Variants in WDFY4 observed in about 807,000 individuals in gnomAD.
The protein encoded by WDFY4 is WDFY family member 4.
In WDFY4, 169 loss-of-function variants were observed where a neutral mutation model predicts 351.9. That is an observed-to-expected ratio of 0.48 (90% CI 0.42 to 0.55). The LOEUF (loss-of-function observed/expected upper bound fraction) is 0.55, where lower values mean the gene tolerates loss of function less well. Ranked by LOEUF, WDFY4 falls within the 20% of genes least tolerant of loss-of-function variation. WDFY4 has a pLI of 0.00. For missense variants in WDFY4, 3,803 were observed against 3,935.6 expected (o/e 0.97, Z 0.90); for synonymous variants, 1,622 against 1,574.6 (o/e 1.03, Z -0.71).
rs66514829 is a variant in WDFY4 at position 48,795,534 on chromosome 10, TACACAC to T, written c.4258-760_4258-755del. ...ATATATATATATATACATATATATA[TACACAC>T]ACATGAATAGTCTGGAAAGATATTG... On this transcript the variant is annotated intron_variant, in intron 23 of 61. Transcript: ENST00000325239. 5.7e-3 allele frequency among the ~76,000 whole-genome samples: 388 copies of T among 67,586 alleles called. 2 individuals are homozygous for T. The highest frequency in any genetic ancestry group is 0.029 in the Middle Eastern group (3 of 102). 44.3% of individuals were successfully genotyped at this position (67,586 alleles called of 152,430 possible).
intron 47 of WDFY4, chr10:48,909,386 A>G (rs1419018173): frequency 6.6e-6 from 1 of 151,640 alleles, no homozygotes; most frequent in Non-Finnish European, 1.5e-5. Context: ...AGTATTTTTT[A>G]GCATATTTTT....
chr10:48,939,426 CG>C (rs373131322), intron 47 of WDFY4, among the ~76,000 whole-genome samples: 1 of 152,172 alleles, frequency 6.6e-6, no homozygotes, highest in Non-Finnish European at 1.5e-5. Context: ...CTGTCTTGCT[CG>C]GGGCCCCCCA....
chr10:48,978,029 C>A (rs531659379), intron 59 of WDFY4, among the ~76,000 whole-genome samples: 20 of 152,250 alleles, frequency 1.3e-4, no homozygotes, highest in Middle Eastern at 3.4e-3. Context: ...GAGTCACATC[C>A]CTGCAAGAAA....
At chr10:48,807,816 T>C in intron 27 of WDFY4, 43 bp from the exon 28 acceptor site, 1 of 1,538,848 alleles carries the variant, frequency 6.5e-7, no homozygotes, top group Non-Finnish European at 8.8e-7. Flanking sequence ...ATATTATGTC[T>C]CTTTACATCC....
chr10:48,936,651 C>T (rs568646184), intron 47 of WDFY4, among the ~76,000 whole-genome samples: 1 of 151,926 alleles, frequency 6.6e-6, no homozygotes, highest in African/African-American at 2.4e-5. Flanking sequence ...TCCCGGCTAA[C>T]ACAGTGAAAC....
chr10:48,822,304 C>T, intron 34 of WDFY4, 76 bp from the exon 35 acceptor site: 2 of 1,441,904 alleles, frequency 1.4e-6, no homozygotes, highest in Non-Finnish European at 1.8e-6. Context: ...CAGTTGGTCA[C>T]TACAGGGGGC....
intron 51 of WDFY4, among the ~76,000 whole-genome samples, chr10:48,951,849 C>T (rs558888410): frequency 2.0e-5 from 3 of 152,248 alleles, no homozygotes; most frequent in South Asian, 2.1e-4. Context: ...CAGACCCACC[C>T]GAGGTGGGGC....
intron 44 of WDFY4, among the ~76,000 whole-genome samples, chr10:48,891,213 AGTG>A (rs1179028033): frequency 3.3e-5 from 5 of 152,122 alleles, no homozygotes; most frequent in African/African-American, 7.2e-5. Context: ...CTGGGACTGG[AGTG>A]GTGGGGAAGA....
chr10:48,805,943 G>A, intron 26 of WDFY4, 61 bp from the exon 27 acceptor site: 1 of 1,425,704 alleles, frequency 7.0e-7, no homozygotes, highest in Middle Eastern at 1.7e-4. Context: ...ACACTGGCAT[G>A]TACTCAGCGG....
chr10:48,820,207 T>C, intron 32 of WDFY4, 27 bp from the exon 33 acceptor site: 1 of 1,551,184 alleles, frequency 6.4e-7, no homozygotes. Flanking sequence ...GGCAGGCCAC[T>C]CATGTTGGGG....
chr10:48,876,988 C>T, intron 42 of WDFY4, 45 bp from the exon 43 acceptor site: 1 of 1,437,972 alleles, frequency 7.0e-7, no homozygotes, highest in Non-Finnish European at 9.2e-7. Flanking sequence ...CTTACCATGT[C>T]AGGTGGCTCC....
chr10:48,762,292 G>A (rs936500379), intron 13 of WDFY4, among the ~76,000 whole-genome samples: 4 of 152,200 alleles, frequency 2.6e-5, no homozygotes, highest in South Asian at 2.1e-4. Flanking sequence ...AGTGTTTGGC[G>A]CAGGAGTTAA....
In WDFY4 at chr10:48,729,535, G is replaced by T; in HGVS notation, c.1075G>T (p.Asp359Tyr). 1.3e-6 allele frequency: 2 copies of T among 1,551,742 alleles called. No homozygotes were observed. The highest frequency in any genetic ancestry group is 1.7e-6 in the Non-Finnish European group (2 of 1,147,004). ...TGGGAGGTCAGAGCTGAAGGTGTTT[G>T]ACAGCATCACTTACCCTCAGCTTGA... ...TCGRSELKVF[D>Y]SITYPQLEGF... The change falls in exon 8 of 62, where the codon GAC becomes TAC. Residue 359 changes from aspartate (D) to tyrosine (Y), a missense_variant. Physicochemically the swap from Asp to Tyr is radical, Grantham distance 160. Coordinates refer to ENST00000325239, the MANE Select transcript of WDFY4 (RefSeq NM_001394531.1).
chr10:48,775,658 A>G lies in WDFY4; in HGVS notation c.2769-54A>G, dbSNP rs2066007303. The stretch of plus-strand genomic sequence containing the variant: ...GACAGTTGTCAGGATAAAGTTGGAG[A>G]ACACTGTTGCTAGTAAAATGTCTTC... On this transcript the variant is annotated intron_variant, in intron 14 of 61. Transcript: ENST00000325239. 3 of 1,495,872 alleles carry G rather than the reference A, an allele frequency of 2.0e-6. No individual in the cohort carries two copies. In the South Asian group the frequency reaches 3.6e-5, roughly 18 times the overall value. The allele number at this position is 1,495,872 out of a possible 1,614,324, so 92.7% of individuals were successfully genotyped here. A position where few individuals can be genotyped will look rare whatever the true frequency, so the allele number is the denominator to read the frequency against.
chr10:48,693,190 C>A (rs2063241196), intron 1 of WDFY4, among the ~76,000 whole-genome samples: 1 of 152,154 alleles, frequency 6.6e-6, no homozygotes, highest in Admixed American at 6.5e-5. Flanking sequence ...TCCCAGAGAA[C>A]ATGGGAGCTG....
intron 28 of WDFY4, among the ~76,000 whole-genome samples, chr10:48,810,214 T>A (rs1487411085): frequency 6.6e-6 from 1 of 152,230 alleles, no homozygotes; most frequent in Non-Finnish European, 1.5e-5. Context: ...TCATCCACTG[T>A]GTAAGTATGA....
chr10:48,717,489 C>A lies in WDFY4; in HGVS notation c.235-2522C>A, dbSNP rs182322915. On this transcript the variant is annotated intron_variant, in intron 2 of 61. Transcript: ENST00000325239. ...AATAAAACATTTCAGGTAAACCAAG[C>A]TCCCTGTGTACACATTCTATAGCTC... Among the ~76,000 whole-genome samples, 149 of 152,316 alleles carry A rather than the reference C, an allele frequency of 9.8e-4. 1 individual carries two copies. The highest frequency in any genetic ancestry group is 8.3e-3 in the Admixed American group (127 of 15,308).
At chr10:48,856,204 T>C (rs1425871693) in intron 39 of WDFY4, among the ~76,000 whole-genome samples, 3 of 152,162 alleles carry the variant, frequency 2.0e-5, no homozygotes, top group Admixed American at 2.0e-4. Flanking sequence ...GAAGAATATC[T>C]GACTTCCCAC....
intron 43 of WDFY4, among the ~76,000 whole-genome samples, chr10:48,889,644 CT>C (rs757605655): frequency 7.4e-4 from 113 of 152,258 alleles, no homozygotes; most frequent in Non-Finnish European, 1.4e-3. Context: ...TCACTTGTTC[CT>C]TTAGGGTTTA....
Sources: gnomAD v4.1 joint callset for allele counts (sites outside exome capture counted in the v4.1 genomes callset) on GRCh38, gnomAD v4.1.1 for gene constraint, MANE v1.5 for transcripts, NCBI Gene and HGNC (gene_info 2026-07-23, HGNC 2026-07-21) for gene names.